FRMPD1: variants seen among roughly 807,000 people sequenced by gnomAD.
FRMPD1 encodes FERM and PDZ domain-containing protein 1.
In FRMPD1, 76 loss-of-function variants were observed where a neutral mutation model predicts 117.8. The observed-to-expected ratio is 0.65, with a 90% CI of 0.54 to 0.78. FRMPD1 has a LOEUF of 0.78. FRMPD1 is among the 30% of genes least tolerant of loss of function. The pLI is 0.00. For missense variants in FRMPD1, 1,786 were observed against 1,964.5 expected, an observed-to-expected ratio of 0.91 and a Z score of 1.72; for synonymous variants, 783 against 770.4, an observed-to-expected ratio of 1.02 and a Z score of -0.27.
At chr9:37,671,089 G>A (rs1821334792) in intron 1 of FRMPD1, among the ~76,000 whole-genome samples, 1 of 152,096 alleles carries the variant, frequency 6.6e-6, no homozygotes, top group Non-Finnish European at 1.5e-5. Flanking sequence ...ATTTTATCCA[G>A]TAATAACCTG....
chr9:37,622,303 G>A, the FRMPD1 span, among the ~76,000 whole-genome samples: 5 of 152,244 alleles, frequency 3.3e-5, no homozygotes, highest in South Asian at 4.1e-4. Context: ...CATTGTTATC[G>A]TTTTGCTTTA....
chr9:37,692,589 C>T, intron 1 of FRMPD1, 49 bp from the exon 2 acceptor site: 1 of 1,198,086 alleles, frequency 8.3e-7, no homozygotes, highest in Admixed American at 1.7e-5. Flanking sequence ...TCAAAATCCT[C>T]TTTAGAGTAT....
rs1824639455 is a variant in FRMPD1 at position 37,745,214 on chromosome 9, C to T, written c.3182C>T (p.Thr1061Ile). 1.9e-6 allele frequency: 3 copies of T among 1,612,998 alleles called. No homozygotes were observed. The highest frequency in any genetic ancestry group is 1.3e-5 in the African/African-American group (1 of 74,910). Residue 1061 changes from threonine to isoleucine, a missense_variant, in exon 16 of 16, where the codon ACA becomes ATA. By Grantham distance (89) the Thr-to-Ile change is moderately conservative. Coordinates refer to ENST00000377765, the MANE Select transcript of FRMPD1 (RefSeq NM_014907.3). ...GAAATGGGATTGGAATCTTTTTGTA[C>T]AAATCATATACAAGAAACTGCCCCC... is the stretch of plus-strand genomic sequence containing the variant. ...QLEMGLESFC[T>I]NHIQETAPKY...
chr9:37,685,025 A>G (rs137937462), intron 1 of FRMPD1, among the ~76,000 whole-genome samples: 1,787 of 152,246 alleles, frequency 0.012, 30 homozygotes, highest in African/African-American at 0.04. Context: ...AAGTGCTTGG[A>G]TTACAGGCAT....
At chr9:37,638,020 C>CTTTA in the FRMPD1 span, among the ~76,000 whole-genome samples, 1 of 106,346 alleles carries the variant, frequency 9.4e-6, no homozygotes, top group African/African-American at 3.7e-5. Context: ...TTCTTTCTTT[C>CTTTA]TTTCTCTCTC....
intron 1 of FRMPD1, among the ~76,000 whole-genome samples, chr9:37,672,503 T>C (rs1205575378): frequency 6.6e-6 from 1 of 152,232 alleles, no homozygotes; most frequent in Non-Finnish European, 1.5e-5. Flanking sequence ...GCTGTTTCCA[T>C]GCATTACCTC....
chr9:37,732,575 C>T, intron 10 of FRMPD1, 135 bp downstream of exon 10: 4 of 871,736 alleles, frequency 4.6e-6, no homozygotes, highest in Non-Finnish European at 6.7e-6. Flanking sequence ...TTTCCCTCTG[C>T]ACCCTCTCTA....
intron 5 of FRMPD1, among the ~76,000 whole-genome samples, chr9:37,716,327 A>G (rs1823117503): frequency 6.6e-6 from 1 of 152,228 alleles, no homozygotes; most frequent in African/African-American, 2.4e-5. Flanking sequence ...TGGATGCTCA[A>G]CACCACACTT....
intron 1 of FRMPD1, among the ~76,000 whole-genome samples, chr9:37,657,312 T>C (rs573269221): frequency 2.6e-5 from 4 of 152,276 alleles, no homozygotes; most frequent in African/African-American, 9.6e-5. Context: ...CATGTGAAGC[T>C]TCTGAGTTAC....
chr9:37,705,430 G>A (rs1310868895), intron 2 of FRMPD1, among the ~76,000 whole-genome samples: 1 of 152,074 alleles, frequency 6.6e-6, no homozygotes, highest in Non-Finnish European at 1.5e-5. Flanking sequence ...TGAGTAGCTG[G>A]TACCACAGGT....
Position 37,729,778 on chromosome 9 carries a change from C to G in FRMPD1, c.663C>G (p.Tyr221Ter). ...AGCTGTCCATCCGAAGTATCGAGTA[C>G]TTTGCACTGGCCCTGGAAGAGCAGT... ...KEKLSIRSIE[Y>*]FALALEEQYS... is the part of the protein sequence containing the mutation. Residue 221 changes from tyrosine to a stop codon, truncating the protein, a stop_gained, in exon 8 of 16, where the codon TAC (tyrosine) becomes TAG (stop). Coordinates refer to ENST00000377765, the MANE Select transcript of FRMPD1 (RefSeq NM_014907.3). LOFTEE classifies it high-confidence loss of function. 1 of 1,614,030 alleles carries G rather than the reference C, an allele frequency of 6.2e-7. No individual in the cohort carries two copies. The highest frequency in any genetic ancestry group is 1.7e-5 in the Admixed American group (1 of 60,028).
At chr9:37,679,217 A>T (rs1446506773) in intron 1 of FRMPD1, among the ~76,000 whole-genome samples, 1 of 152,206 alleles carries the variant, frequency 6.6e-6, no homozygotes, top group African/African-American at 2.4e-5. Context: ...CAAAACTGAT[A>T]AGTCTGGTGG....
chr9:37,685,674 C>T (rs1198704571), intron 1 of FRMPD1, among the ~76,000 whole-genome samples: 4 of 152,132 alleles, frequency 2.6e-5, no homozygotes, highest in Admixed American at 2.6e-4. Context: ...AATTTGCCTT[C>T]CATTTCTTTG....
At chr9:37,694,471 A>G (rs146034343) in intron 2 of FRMPD1, among the ~76,000 whole-genome samples, 2 of 152,350 alleles carry the variant, frequency 1.3e-5, no homozygotes, top group East Asian at 1.9e-4. Flanking sequence ...TTTCAATACT[A>G]TAAAAAGAAA....
At chr9:37,694,966 T>G (rs1406678890) in intron 2 of FRMPD1, among the ~76,000 whole-genome samples, 1 of 152,088 alleles carries the variant, frequency 6.6e-6, no homozygotes, top group East Asian at 1.9e-4. Context: ...ATCAGTTGAT[T>G]TAACATAAAC....
At chr9:37,651,531 T>C (rs1453717224) in intron 1 of FRMPD1, among the ~76,000 whole-genome samples, 1 of 152,206 alleles carries the variant, frequency 6.6e-6, no homozygotes, top group Non-Finnish European at 1.5e-5. Context: ...GTTGTCATTT[T>C]TTGAGTAGAG....
At chr9:37,737,348 A>G in intron 14 of FRMPD1, 105 bp downstream of exon 14, 4 of 910,970 alleles carry the variant, frequency 4.4e-6, no homozygotes, top group Non-Finnish European at 6.9e-6. Flanking sequence ...CCGAGGCTTC[A>G]GCTCAAGTGG....
At chr9:37,675,279 C>T (rs1434766752) in intron 1 of FRMPD1, among the ~76,000 whole-genome samples, 2 of 151,874 alleles carry the variant, frequency 1.3e-5, no homozygotes, top group East Asian at 3.9e-4. Flanking sequence ...AAAAATGAAT[C>T]GGAGTGGTGG....
At chr9:37,650,193 G>A (rs545169704), upstream of FRMPD1, among the ~76,000 whole-genome samples, 3 of 152,292 alleles carry the variant, frequency 2.0e-5, no homozygotes, top group Admixed American at 2.0e-4. Flanking sequence ...AGTTCAGCAC[G>A]GAAAATAGTG....
Sources: allele counts gnomAD v4.1 joint callset (sites outside exome capture counted in the v4.1 genomes callset), GRCh38; gene constraint gnomAD v4.1.1; transcripts MANE v1.5; gene names NCBI Gene and HGNC (gene_info 2026-07-23, HGNC 2026-07-21).